Variants in FAM13A observed in about 807,000 individuals in gnomAD.
FAM13A encodes family with sequence similarity 13 member A.
In FAM13A, 76 loss-of-function variants were observed where a neutral mutation model predicts 129.6. The ratio of observed to expected loss-of-function variants is 0.59; its 90% CI spans 0.49 to 0.71. FAM13A has a LOEUF of 0.71. Ranked by LOEUF, FAM13A falls within the 30% of genes least tolerant of loss-of-function variation. FAM13A has a pLI of 0.00. For missense variants in FAM13A, 1,108 were observed against 1,249.3 expected, an observed-to-expected ratio of 0.89 and a Z score of 1.70; for synonymous variants, 443 against 449.9, an observed-to-expected ratio of 0.98 and a Z score of 0.20.
chr4:88,818,572 G>A (rs1041101719), intron 7 of FAM13A, among the ~76,000 whole-genome samples: 2 of 152,128 alleles, frequency 1.3e-5, no homozygotes, highest in Admixed American at 6.5e-5. Flanking sequence ...GGAGTAATTA[G>A]CAAATATTTG....
chr4:88,761,116 G>C (rs973938486), intron 13 of FAM13A, among the ~76,000 whole-genome samples: 3 of 152,124 alleles, frequency 2.0e-5, no homozygotes, highest in Non-Finnish European at 4.4e-5. Context: ...CTGGTGCCCT[G>C]GCTGAGTTGC....
intron 5 of FAM13A, 173 bp downstream of exon 5, chr4:88,937,915 A>G: frequency 1.7e-6 from 1 of 578,960 alleles, no homozygotes; most frequent in East Asian, 2.9e-5. Context: ...TTAGAAGGCT[A>G]TATTTCAATT....
intron 4 of FAM13A, among the ~76,000 whole-genome samples, chr4:88,986,118 C>T (rs1762214277): frequency 6.6e-6 from 1 of 151,662 alleles, no homozygotes; most frequent in South Asian, 2.1e-4. Flanking sequence ...AAACCTCTTT[C>T]TCTTTACATA....
chr4:88,759,531 G>T (rs1744384651), intron 13 of FAM13A: 2 of 152,168 alleles, frequency 1.3e-5, no homozygotes, highest in African/African-American at 4.8e-5. Context: ...CAGCACAGGG[G>T]ATTGGCGTCT....
intron 18 of FAM13A, among the ~76,000 whole-genome samples, chr4:88,747,346 T>C (rs1741571043): frequency 6.6e-6 from 1 of 152,168 alleles, no homozygotes; most frequent in African/African-American, 2.4e-5. Context: ...TCCCAAAGGT[T>C]TGTCTCTAAT....
intron 8 of FAM13A, among the ~76,000 whole-genome samples, chr4:88,796,534 T>C (rs1173857119): frequency 1.3e-5 from 2 of 152,002 alleles, no homozygotes; most frequent in African/African-American, 2.4e-5. Flanking sequence ...TATGGACATA[T>C]AGTTATATGT....
chr4:88,762,990 T>A (rs1204878095), intron 13 of FAM13A, among the ~76,000 whole-genome samples: 1 of 152,146 alleles, frequency 6.6e-6, no homozygotes, highest in Non-Finnish European at 1.5e-5. Context: ...ACCAAATATC[T>A]GTGTATTGAA....
intron 11 of FAM13A, among the ~76,000 whole-genome samples, chr4:88,775,849 T>A (rs1343240935): frequency 6.6e-6 from 1 of 152,192 alleles, no homozygotes; most frequent in Non-Finnish European, 1.5e-5. Context: ...TTTAGCACAT[T>A]TAGTTGCATT....
chr4:88,923,153 C>G (rs1309437238), intron 5 of FAM13A, among the ~76,000 whole-genome samples: 2 of 152,064 alleles, frequency 1.3e-5, no homozygotes, highest in East Asian at 3.9e-4. Context: ...CCTTCTGAAA[C>G]TATTCCAATC....
chr4:88,859,359 A>G (rs1739097474), intron 6 of FAM13A, among the ~76,000 whole-genome samples: 1 of 152,198 alleles, frequency 6.6e-6, no homozygotes, highest in Non-Finnish European at 1.5e-5. Context: ...GGATGGAATC[A>G]TGCACACAGG....
chr4:89,044,396 T>C (rs1406592309), intron 1 of FAM13A, among the ~76,000 whole-genome samples: 1 of 152,104 alleles, frequency 6.6e-6, no homozygotes, highest in Admixed American at 6.5e-5. Context: ...CCAATTAAGA[T>C]GGCTATTATA....
chr4:88,762,199 G>C (rs921383054), intron 13 of FAM13A, among the ~76,000 whole-genome samples: 1 of 152,224 alleles, frequency 6.6e-6, no homozygotes, highest in African/African-American at 2.4e-5. Flanking sequence ...ACAGAGGTCA[G>C]TGTTTCTGGA....
chr4:88,797,273 GTT>G (rs34600800), intron 8 of FAM13A, among the ~76,000 whole-genome samples: 2 of 143,118 alleles, frequency 1.4e-5, no homozygotes, highest in Non-Finnish European at 1.5e-5. Context: ...AGTTTTGTGG[GTT>G]TTTTTTTTTT....
intron 1 of FAM13A, among the ~76,000 whole-genome samples, chr4:89,044,294 A>C (rs759325157): frequency 3.3e-5 from 5 of 152,230 alleles, no homozygotes; most frequent in African/African-American, 7.2e-5. Context: ...CAAATAAGAC[A>C]TAATGTGGCT....
intron 4 of FAM13A, among the ~76,000 whole-genome samples, chr4:88,973,859 C>T (rs1277165414): frequency 6.6e-6 from 1 of 152,172 alleles, no homozygotes; most frequent in Non-Finnish European, 1.5e-5. Context: ...CAACTGTAAA[C>T]TTCACAAGTG....
intron 4 of FAM13A, among the ~76,000 whole-genome samples, chr4:88,964,140 AT>A (rs1317159065): frequency 1.3e-5 from 2 of 152,212 alleles, no homozygotes; most frequent in Non-Finnish European, 2.9e-5. Context: ...GTGGATCTGC[AT>A]TTCTTTCATA....
At chr4:89,039,955 TAA>T (rs1027631391) in intron 1 of FAM13A, among the ~76,000 whole-genome samples, 1 of 139,626 alleles carries the variant, frequency 7.2e-6, no homozygotes, top group Non-Finnish European at 1.6e-5. Context: ...ACTGTCTCTT[TAA>T]AAAAAAAAAA....
chr4:88,846,317 A>G (rs555866955), intron 7 of FAM13A, among the ~76,000 whole-genome samples: 2 of 152,294 alleles, frequency 1.3e-5, no homozygotes, highest in Admixed American at 6.5e-5. Flanking sequence ...CTGTTTTAAC[A>G]TCTCCCCGAA....
At chr4:88,883,213 T>G (rs1338751149) in intron 6 of FAM13A, among the ~76,000 whole-genome samples, 6 of 152,138 alleles carry the variant, frequency 3.9e-5, no homozygotes, top group East Asian at 3.8e-4. Flanking sequence ...AGAATATACA[T>G]TCTATTCATC....
Sources: allele counts gnomAD v4.1 joint callset (sites outside exome capture counted in the v4.1 genomes callset), GRCh38; gene constraint gnomAD v4.1.1; transcripts MANE v1.5; gene names NCBI Gene and HGNC (gene_info 2026-07-23, HGNC 2026-07-21).